Variants in PTPRD observed in about 807,000 individuals in gnomAD.
PTPRD encodes the protein receptor-type tyrosine-protein phosphatase delta.
Under a neutral mutation model 214.5 loss-of-function variants are expected in PTPRD, and 34 were observed. The ratio of observed to expected loss-of-function variants is 0.16; its 90% CI spans 0.12 to 0.21. The LOEUF (loss-of-function observed/expected upper bound fraction) is 0.21. Ranked by LOEUF, PTPRD falls within the 10% of genes least tolerant of loss-of-function variation. The pLI is 1.00. For synonymous variants in PTPRD, 1,128 were observed against 845.7 expected (o/e 1.33, Z -5.79); for missense variants, 2,545 against 2,398.7 (o/e 1.06, Z -1.27).
chr9:10,504,010 G>A (rs564805366), intron 2 of PTPRD, among the ~76,000 whole-genome samples: 4 of 147,806 alleles, frequency 2.7e-5, no homozygotes, highest in Admixed American at 7.0e-5. Flanking sequence ...CAGCTACTCC[G>A]GAGACTGAAG....
intron 9 of PTPRD, among the ~76,000 whole-genome samples, chr9:9,375,963 G>T (rs974749622): frequency 6.6e-6 from 1 of 152,090 alleles, no homozygotes; most frequent in Non-Finnish European, 1.5e-5. Context: ...TTTTACCACA[G>T]TAAAAATAAA....
At chr9:10,575,973 A>G (rs1432034912) in intron 2 of PTPRD, among the ~76,000 whole-genome samples, 2 of 152,100 alleles carry the variant, frequency 1.3e-5, no homozygotes, top group Non-Finnish European at 2.9e-5. Flanking sequence ...CTTTCAAATG[A>G]TCAGATTAGG....
intron 26 of PTPRD, 103 bp downstream of exon 26, chr9:8,497,139 C>T: frequency 3.1e-6 from 3 of 975,582 alleles, no homozygotes; most frequent in Non-Finnish European, 4.6e-6. Context: ...TTAGTTCATG[C>T]ATCCAAGCAA....
At chr9:10,427,515 C>T (rs930138510) in intron 2 of PTPRD, among the ~76,000 whole-genome samples, 2 of 152,008 alleles carry the variant, frequency 1.3e-5, no homozygotes, top group Admixed American at 6.6e-5. Context: ...GGCCCATCGG[C>T]AGCTGACAGC....
chr9:10,503,204 A>AAAAAAAC lies in PTPRD; in HGVS notation c.-600+109193_-600+109194insGTTTTTT, dbSNP rs1469277789. Among the ~76,000 whole-genome samples, 58 of 133,850 alleles carry AAAAAAAC rather than the reference A, an allele frequency of 4.3e-4. 2 individuals carry two copies. The highest frequency in any genetic ancestry group is 1.1e-3 in the South Asian group (5 of 4,466). 87.8% of individuals were successfully genotyped at this position (133,850 alleles called of 152,430 possible). ...ACACAGCTGCAATACAAAAAAAAAAAAAACAAAAAAAAACACCATTTTTTT... is the reference window on the plus strand; with the variant it reads ...ACACAGCTGCAATACAAAAAAAAAAAAAAAAACAAACAAAAAAAAACACCATTTTTTT... On this transcript the variant is annotated intron_variant, in intron 2 of 45. Transcript: ENST00000381196.
chr9:8,652,366 A>T (rs2096829715), intron 12 of PTPRD, among the ~76,000 whole-genome samples: 1 of 152,240 alleles, frequency 6.6e-6, no homozygotes, highest in African/African-American at 2.4e-5. Context: ...TTTAGAAGGA[A>T]AATCAACCAA....
intron 39 of PTPRD, among the ~76,000 whole-genome samples, chr9:8,354,945 A>C (rs528835796): frequency 6.6e-6 from 1 of 152,282 alleles, no homozygotes; most frequent in African/African-American, 2.4e-5. Context: ...CTGAAAAATA[A>C]ATGAATTAAG....
At position 8,315,450 on chromosome 9, in the gene PTPRD, CTTTG is replaced by C. The variant is rs1821138067; in HGVS notation, c.*2420_*2423del. ...GATGATGCAATGTCTGTCTGACCCC[CTTTG>C]TTTAACTAAAAGAAAATTATAGCAC... On this transcript the variant is annotated 3_prime_UTR_variant, in exon 46 of 46. Transcript: ENST00000381196. 1 of 232,054 alleles carries C rather than the reference CTTTG, an allele frequency of 4.3e-6. No individual in the cohort carries two copies. The highest frequency in any genetic ancestry group is 8.5e-6 in the Non-Finnish European group (1 of 117,122). 14.4% of individuals were successfully genotyped at this position (232,054 alleles called of 1,614,324 possible). A position where few individuals can be genotyped will look rare whatever the true frequency, so the allele number is the denominator to read the frequency against.
At chr9:8,481,777 C>CTGTTTTGTTT (rs113860606) in intron 30 of PTPRD, among the ~76,000 whole-genome samples, 9 of 151,266 alleles carry the variant, frequency 5.9e-5, no homozygotes, top group East Asian at 1.9e-4. Context: ...TATCTATAAT[C>CTGTTTTGTTT]TGTTTTGTTT....
Position 9,939,614 on chromosome 9 carries a change from T to C in PTPRD, c.-471-1004A>G, listed in dbSNP as rs145851543. ...TTTACCTCTTGTTGTACCTACTTGG[T>C]ATTAATTGCTTGCTTGGATCATCAC... On this transcript the variant is annotated intron_variant, in intron 4 of 45. Transcript: ENST00000381196. Among the ~76,000 whole-genome samples the C allele has an allele frequency of 1.5e-3, 223 of 152,322 alleles. 2 individuals carry two copies. The highest frequency in any genetic ancestry group is 4.9e-3 in the African/African-American group (202 of 41,572).
At position 9,305,978 on chromosome 9, in the gene PTPRD, T is replaced by C. The variant is rs1354792670; in HGVS notation, c.-203+91471A>G. Among the ~76,000 whole-genome samples the C allele has an allele frequency of 2.0e-5, 3 of 152,178 alleles. No individual in the cohort carries two copies. In the East Asian group the frequency reaches 5.8e-4, roughly 29 times the overall value. ...CAGAATGTGAAATAATAAATTTCTGTTGTTTTAAGCCATCCAGTTTGTGGT... is the reference window on the plus strand; with the variant it reads ...CAGAATGTGAAATAATAAATTTCTGCTGTTTTAAGCCATCCAGTTTGTGGT... On this transcript the variant is annotated intron_variant, in intron 9 of 45. Coordinates refer to ENST00000381196, the MANE Select transcript of PTPRD (RefSeq NM_002839.4).
intron 5 of PTPRD, among the ~76,000 whole-genome samples, chr9:9,903,355 T>C (rs1301505058): frequency 6.6e-6 from 1 of 152,136 alleles, no homozygotes; most frequent in Non-Finnish European, 1.5e-5. Context: ...ACAAAAATTG[T>C]CATTGTCTTT....
chr9:9,967,347 AT>A (rs1320844153), intron 4 of PTPRD, among the ~76,000 whole-genome samples: 15 of 152,176 alleles, frequency 9.9e-5, no homozygotes, highest in Admixed American at 9.8e-4. Flanking sequence ...AACAACTAGA[AT>A]TTATGCCAAG....
chr9:8,472,108 G>A (rs1446842059), intron 30 of PTPRD, among the ~76,000 whole-genome samples: 1 of 152,130 alleles, frequency 6.6e-6, no homozygotes, highest in Non-Finnish European at 1.5e-5. Flanking sequence ...GATCTGTAGA[G>A]ATTAAATAAT....
chr9:10,007,512 T>C (rs2154100950), intron 4 of PTPRD, among the ~76,000 whole-genome samples: 1 of 152,112 alleles, frequency 6.6e-6, no homozygotes, highest in Non-Finnish European at 1.5e-5. Context: ...GGCCATCTGT[T>C]TGGATGGTTT....
At chr9:9,275,904 G>A (rs1436483686) in intron 9 of PTPRD, among the ~76,000 whole-genome samples, 3 of 151,036 alleles carry the variant, frequency 2.0e-5, no homozygotes, top group Non-Finnish European at 4.4e-5. Context: ...AATGTCCCCA[G>A]GCCGTGAAGG....
intron 11 of PTPRD, among the ~76,000 whole-genome samples, chr9:8,960,610 C>T (rs1357929737): frequency 6.6e-6 from 1 of 151,988 alleles, no homozygotes; most frequent in Admixed American, 6.6e-5. Context: ...TTCTAGCTGC[C>T]CTAGCTCCAT....
intron 5 of PTPRD, among the ~76,000 whole-genome samples, chr9:9,836,684 T>C (rs960194298): frequency 7.2e-5 from 11 of 152,124 alleles, no homozygotes; most frequent in Non-Finnish European, 1.6e-4. Context: ...ATAGACTACG[T>C]GGGTAAACAT....
At chr9:9,583,353 T>C (rs1338275159) in intron 7 of PTPRD, among the ~76,000 whole-genome samples, 1 of 152,086 alleles carries the variant, frequency 6.6e-6, no homozygotes, top group Admixed American at 6.6e-5. Flanking sequence ...CCGCTCTAAA[T>C]TATTCAAAAC....
Sources: gnomAD v4.1 joint callset for allele counts (sites outside exome capture counted in the v4.1 genomes callset) on GRCh38, gnomAD v4.1.1 for gene constraint, MANE v1.5 for transcripts, NCBI Gene and HGNC (gene_info 2026-07-23, HGNC 2026-07-21) for gene names.